DPP10: variants seen among roughly 807,000 people sequenced by gnomAD.
DPP10 encodes the protein dipeptidyl peptidase like 10, also known as inactive dipeptidyl peptidase 10.
A neutral mutation model predicts 120.9 loss-of-function variants in DPP10; 33 were observed. That is an observed-to-expected ratio of 0.27 (90% CI 0.21 to 0.37). The LOEUF (loss-of-function observed/expected upper bound fraction) is 0.37. Among genes scored for constraint, DPP10 ranks in the 10% least tolerant of loss-of-function variants. DPP10 has a pLI of 1.00. For synonymous variants in DPP10, 337 were observed against 326.1 expected (o/e 1.03, Z -0.36); for missense variants, 816 against 942.8 (o/e 0.87, Z 1.76).
intron 3 of DPP10, among the ~76,000 whole-genome samples, chr2:115,418,290 G>A (rs1409444611): frequency 6.6e-6 from 1 of 152,188 alleles, no homozygotes; most frequent in East Asian, 1.9e-4. Context: ...TTTGAAGAAA[G>A]GTCGAGAATT....
chr2:115,036,030 T>C (rs1247463480), intron 1 of DPP10, among the ~76,000 whole-genome samples: 3 of 152,210 alleles, frequency 2.0e-5, no homozygotes, highest in African/African-American at 7.2e-5. Flanking sequence ...AAGAAATACC[T>C]GAGACTGGGT....
intron 1 of DPP10, among the ~76,000 whole-genome samples, chr2:114,810,356 C>T (rs7589566): frequency 0.013 from 2,017 of 152,208 alleles, 42 homozygotes; most frequent in African/African-American, 0.04. Context: ...TCTGAACAAG[C>T]GCCTTCTGGA....
chr2:115,225,620 G>T (rs969036668), intron 1 of DPP10, among the ~76,000 whole-genome samples: 7 of 151,798 alleles, frequency 4.6e-5, no homozygotes, highest in Admixed American at 4.6e-4. Context: ...AGAACTATGG[G>T]TATCAATGAA....
intron 1 of DPP10, among the ~76,000 whole-genome samples, chr2:114,982,762 G>T (rs1263645477): frequency 6.6e-6 from 1 of 151,304 alleles, no homozygotes; most frequent in Admixed American, 6.6e-5. Context: ...CACCATGCCT[G>T]GCTAATTTTT....
At chr2:115,084,969 T>G (rs989672859) in intron 1 of DPP10, among the ~76,000 whole-genome samples, 2 of 152,186 alleles carry the variant, frequency 1.3e-5, no homozygotes, top group African/African-American at 4.8e-5. Context: ...CAGAAAGAGC[T>G]GTTTTTGCAC....
chr2:115,638,692 A>G (rs2086545752), intron 5 of DPP10, among the ~76,000 whole-genome samples: 1 of 152,192 alleles, frequency 6.6e-6, no homozygotes, highest in Middle Eastern at 3.2e-3. Flanking sequence ...CCTCCCTTGA[A>G]ATCCTTGCTA....
chr2:115,186,273 G>A (rs1481565713), intron 1 of DPP10, among the ~76,000 whole-genome samples: 1 of 152,214 alleles, frequency 6.6e-6, no homozygotes, highest in Non-Finnish European at 1.5e-5. Context: ...TATGCAGAGA[G>A]AGCAGGAGTA....
At chr2:114,722,033 T>C (rs1261660232) in intron 1 of DPP10, among the ~76,000 whole-genome samples, 1 of 152,170 alleles carries the variant, frequency 6.6e-6, no homozygotes, top group Non-Finnish European at 1.5e-5. Flanking sequence ...CTTAGCTCCA[T>C]AACTAGCTAC....
At chr2:115,456,833 G>A (rs1314433357) in intron 3 of DPP10, among the ~76,000 whole-genome samples, 1 of 152,024 alleles carries the variant, frequency 6.6e-6, no homozygotes, top group African/African-American at 2.4e-5. Context: ...CTAGGGGAGG[G>A]ATAGCATTAG....
chr2:114,498,314 C>A (rs1289363988), intron 1 of DPP10, among the ~76,000 whole-genome samples: 3 of 152,136 alleles, frequency 2.0e-5, no homozygotes, highest in Admixed American at 1.3e-4. Flanking sequence ...CAGCTCCCTA[C>A]TTCCTCCCTC....
intron 1 of DPP10, among the ~76,000 whole-genome samples, chr2:114,476,734 T>A (rs530237301): frequency 6.6e-6 from 1 of 152,272 alleles, no homozygotes; most frequent in Admixed American, 6.5e-5. Flanking sequence ...TTTTCTTTTT[T>A]AATCAAAGTT....
intron 1 of DPP10, among the ~76,000 whole-genome samples, chr2:114,583,587 T>C (rs1690713965): frequency 1.3e-5 from 2 of 152,344 alleles, no homozygotes; most frequent in East Asian, 1.9e-4. Flanking sequence ...TTTTAAATCA[T>C]AGTTTCTTGC....
At chr2:115,595,872 G>A (rs13014914) in intron 5 of DPP10, among the ~76,000 whole-genome samples, 32,642 of 151,198 alleles carry the variant, frequency 0.22, 4,037 homozygotes, top group East Asian at 0.39. Flanking sequence ...CTTTTTACAC[G>A]TCCTACTTTA....
intron 1 of DPP10, among the ~76,000 whole-genome samples, chr2:114,505,051 CAAAAAAAAAA>C (rs3061538): frequency 2.2e-5 from 1 of 44,896 alleles, no homozygotes; most frequent in Non-Finnish European, 4.5e-5. Flanking sequence ...GACTCTGTCT[CAAAAAAAAAA>C]AAAAAAAAAA....
chr2:114,483,477 A>G (rs1681237200), intron 1 of DPP10, among the ~76,000 whole-genome samples: 1 of 152,172 alleles, frequency 6.6e-6, no homozygotes, highest in East Asian at 1.9e-4. Context: ...GTAAGAGAAC[A>G]AGATGCTAAC....
At chr2:114,853,093 G>C (rs928787400) in intron 1 of DPP10, among the ~76,000 whole-genome samples, 1 of 152,096 alleles carries the variant, frequency 6.6e-6, no homozygotes, top group African/African-American at 2.4e-5. Flanking sequence ...GGTATGATTT[G>C]TATAAATAAA....
At chr2:115,227,791 G>C (rs917227488) in intron 1 of DPP10, among the ~76,000 whole-genome samples, 1 of 151,946 alleles carries the variant, frequency 6.6e-6, no homozygotes, top group African/African-American at 2.4e-5. Context: ...ATATGGATAT[G>C]CCATAGTTTG....
In DPP10 at chr2:115,842,418, T is replaced by C; in HGVS notation, c.*73T>C. The C allele has an allele frequency of 6.6e-7, 1 of 1,517,086 alleles. No individual in the cohort carries two copies. Among genetic ancestry groups the C allele is most frequent in the Non-Finnish European group, 8.9e-7 (1 of 1,123,348 alleles). The allele number at this position is 1,517,086 out of a possible 1,614,324, so 94.0% of individuals were successfully genotyped here. ...ACCTGACAAAGAGACTGTAATATTGTAGTTGCTCCAGAATGTCAAGGGCAG... is the reference window on the plus strand; with the variant it reads ...ACCTGACAAAGAGACTGTAATATTGCAGTTGCTCCAGAATGTCAAGGGCAG... On this transcript the variant is annotated 3_prime_UTR_variant, in exon 26 of 26. Coordinates refer to ENST00000410059, the MANE Select transcript of DPP10 (RefSeq NM_020868.6).
At chr2:115,110,523 A>C (rs932736528) in intron 1 of DPP10, among the ~76,000 whole-genome samples, 1 of 152,108 alleles carries the variant, frequency 6.6e-6, no homozygotes, top group Non-Finnish European at 1.5e-5. Context: ...TTATTTTACT[A>C]TAAGTTACAT....
Sources: gnomAD v4.1 joint callset for allele counts (sites outside exome capture counted in the v4.1 genomes callset) on GRCh38, gnomAD v4.1.1 for gene constraint, MANE v1.5 for transcripts, NCBI Gene and HGNC (gene_info 2026-07-23, HGNC 2026-07-21) for gene names.